Variants in PPP1R9A observed in about 807,000 individuals in gnomAD.
PPP1R9A encodes the protein neurabin-1.
PPP1R9A carries 59 observed loss-of-function variants against 141.9 expected under a neutral mutation model. The ratio of observed to expected loss-of-function variants is 0.42; its 90% CI spans 0.34 to 0.52. The LOEUF (loss-of-function observed/expected upper bound fraction) is 0.52, where lower values mean the gene tolerates loss of function less well. Among genes scored for constraint, PPP1R9A ranks in the 20% least tolerant of loss-of-function variants. The probability of loss-of-function intolerance (pLI) is 0.10; values close to 1 mark genes in which losing one functional copy is unlikely to be tolerated. For synonymous variants in PPP1R9A, 500 were observed against 569.7 expected (o/e 0.88, Z 1.74); for missense variants, 1,444 against 1,611.9 (o/e 0.90, Z 1.78).
intron 18 of PPP1R9A, chr7:95,287,041 C>A: frequency 1.4e-6 from 2 of 1,480,192 alleles, no homozygotes; most frequent in Non-Finnish European, 1.9e-6. Flanking sequence ...AAATTATGTA[C>A]TATATATGTT....
intron 17 of PPP1R9A, among the ~76,000 whole-genome samples, chr7:95,285,768 C>T (rs1585641632): frequency 6.6e-6 from 1 of 152,296 alleles, no homozygotes; most frequent in African/African-American, 2.4e-5. Flanking sequence ...CAACAATAAG[C>T]GATCCTTCCC....
At chr7:95,284,638 C>T (rs539506821) in intron 17 of PPP1R9A, among the ~76,000 whole-genome samples, 1 of 152,284 alleles carries the variant, frequency 6.6e-6, no homozygotes, top group African/African-American at 2.4e-5. Context: ...GGACTGAATA[C>T]GAGTTCAGTA....
rs908863116 is a variant in PPP1R9A at position 95,259,287 on chromosome 7, CT to C, written c.2665+7168del. The stretch of plus-strand genomic sequence containing the variant: ...AGGCTTGATGGAGGTACATGGTTGT[CT>C]TTTTTTTTTTCTTTCTTCATATGAG... On this transcript the variant is annotated intron_variant, in intron 12 of 19. Transcript: ENST00000433360. 3.5e-3 allele frequency among the ~76,000 whole-genome samples: 504 copies of C among 144,480 alleles called. 2 individuals carry two copies. The highest frequency in any genetic ancestry group is 0.018 in the Middle Eastern group (5 of 280). 94.8% of individuals were successfully genotyped at this position (144,480 alleles called of 152,430 possible).
At chr7:95,176,957 G>C (rs1451309023) in intron 5 of PPP1R9A, among the ~76,000 whole-genome samples, 3 of 152,114 alleles carry the variant, frequency 2.0e-5, no homozygotes, top group Non-Finnish European at 4.4e-5. Context: ...GGAAATAATT[G>C]AGGAAAACTT....
chr7:95,195,691 C>G (rs1836164281), intron 5 of PPP1R9A, among the ~76,000 whole-genome samples: 2 of 152,042 alleles, frequency 1.3e-5, no homozygotes, highest in African/African-American at 4.8e-5. Flanking sequence ...TGCATAAACA[C>G]CTACATGTAT....
chr7:95,189,497 C>T (rs1291033441), intron 5 of PPP1R9A, among the ~76,000 whole-genome samples: 7 of 131,220 alleles, frequency 5.3e-5, no homozygotes, highest in Admixed American at 1.8e-4. Flanking sequence ...AGTGCAGTGG[C>T]GGGATCTCGG....
chr7:95,262,512 C>G (rs1800585555), intron 12 of PPP1R9A, among the ~76,000 whole-genome samples: 1 of 152,092 alleles, frequency 6.6e-6, no homozygotes, highest in Non-Finnish European at 1.5e-5. Context: ...TAGGACATTT[C>G]CTATAGTTTT....
intron 2 of PPP1R9A, among the ~76,000 whole-genome samples, chr7:94,975,373 T>G (rs1419328081): frequency 3.3e-5 from 5 of 149,420 alleles, no homozygotes; most frequent in Admixed American, 1.3e-4. Flanking sequence ...TTTTTTTTTT[T>G]TTTTTTTTTT....
At chr7:95,025,905 C>T (rs1400663129) in intron 2 of PPP1R9A, among the ~76,000 whole-genome samples, 3 of 152,152 alleles carry the variant, frequency 2.0e-5, no homozygotes, top group Non-Finnish European at 4.4e-5. Flanking sequence ...AGTTCTTGGG[C>T]TTTGCTTTTC....
intron 2 of PPP1R9A, among the ~76,000 whole-genome samples, chr7:94,938,292 A>AT (rs1794980058): frequency 1.3e-5 from 2 of 152,076 alleles, no homozygotes; most frequent in South Asian, 4.1e-4. Context: ...CTGCCCCTGA[A>AT]TTTTTTGTGG....
chr7:95,224,458 T>C (rs1794867586), intron 7 of PPP1R9A, among the ~76,000 whole-genome samples: 1 of 152,118 alleles, frequency 6.6e-6, no homozygotes, highest in Non-Finnish European at 1.5e-5. Context: ...TTCATCATGG[T>C]TGATGACCTT....
At chr7:94,986,054 A>G (rs1231008151) in intron 2 of PPP1R9A, among the ~76,000 whole-genome samples, 1 of 152,164 alleles carries the variant, frequency 6.6e-6, no homozygotes, top group Non-Finnish European at 1.5e-5. Flanking sequence ...CAAAAAATAT[A>G]ATGGAGAAAA....
At chr7:94,984,105 T>C (rs2151359195) in intron 2 of PPP1R9A, among the ~76,000 whole-genome samples, 1 of 152,324 alleles carries the variant, frequency 6.6e-6, no homozygotes, top group East Asian at 1.9e-4. Context: ...GTTTTTGTCT[T>C]TGGTTCTGTT....
At chr7:95,085,337 C>T (rs1021598530) in intron 2 of PPP1R9A, among the ~76,000 whole-genome samples, 8 of 151,240 alleles carry the variant, frequency 5.3e-5, no homozygotes, top group Non-Finnish European at 1.2e-4. Context: ...CTGGACTTAG[C>T]GATTCTCCCA....
chr7:94,952,282 C>T (rs921446067), intron 2 of PPP1R9A, among the ~76,000 whole-genome samples: 1 of 152,150 alleles, frequency 6.6e-6, no homozygotes, highest in Non-Finnish European at 1.5e-5. Flanking sequence ...AGGAAATGAA[C>T]TCATCCATTT....
chr7:94,964,711 C>CAA (rs1394867374), intron 2 of PPP1R9A, among the ~76,000 whole-genome samples: 8 of 152,340 alleles, frequency 5.3e-5, no homozygotes, highest in Middle Eastern at 3.4e-3. Flanking sequence ...ATATGTGCCA[C>CAA]AATTTCTCTA....
At chr7:95,141,409 A>G (rs1238701211) in intron 4 of PPP1R9A, among the ~76,000 whole-genome samples, 3 of 152,194 alleles carry the variant, frequency 2.0e-5, no homozygotes, top group Non-Finnish European at 4.4e-5. Flanking sequence ...TGGTTTTGTG[A>G]ATATTCAAGA....
chr7:95,025,609 A>G (rs1467408810), intron 2 of PPP1R9A, among the ~76,000 whole-genome samples: 2 of 152,096 alleles, frequency 1.3e-5, no homozygotes, highest in African/African-American at 4.8e-5. Context: ...CTGAATTTAA[A>G]TGTTGGCCTG....
chr7:95,059,683 A>G (rs1403666317), intron 2 of PPP1R9A, among the ~76,000 whole-genome samples: 1 of 152,238 alleles, frequency 6.6e-6, no homozygotes, highest in Non-Finnish European at 1.5e-5. Context: ...GAATGTATGT[A>G]TGCTGAGTGT....
Sources: gnomAD v4.1 joint callset for allele counts (sites outside exome capture counted in the v4.1 genomes callset) on GRCh38, gnomAD v4.1.1 for gene constraint, MANE v1.5 for transcripts, NCBI Gene and HGNC (gene_info 2026-07-23, HGNC 2026-07-21) for gene names.